Variants in CCDC102B observed in about 807,000 individuals in gnomAD.
CCDC102B encodes the protein coiled-coil domain containing 102B.
In CCDC102B, 75 loss-of-function variants were observed where a neutral mutation model predicts 57.4. That is an observed-to-expected ratio of 1.31 (90% confidence interval 1.08 to 1.58). CCDC102B has a LOEUF of 1.58. CCDC102B is among the 40% of genes most tolerant of loss of function. The probability of loss-of-function intolerance (pLI) is 0.00; values close to 1 mark genes in which losing one functional copy is unlikely to be tolerated. For synonymous variants in CCDC102B, 206 were observed against 201.9 expected, an observed-to-expected ratio of 1.02 and a Z score of -0.17; for missense variants, 636 against 582.6, an observed-to-expected ratio of 1.09 and a Z score of -0.94.
intron 6 of CCDC102B, among the ~76,000 whole-genome samples, chr18:68,936,792 TACAC>T (rs2049252526): frequency 6.6e-6 from 1 of 150,438 alleles, no homozygotes; most frequent in Non-Finnish European, 1.5e-5. Flanking sequence ...TATATATACA[TACAC>T]ATATATACAT....
At chr18:68,723,928 A>G (rs1161374055) in intron 2 of CCDC102B, among the ~76,000 whole-genome samples, 1 of 152,172 alleles carries the variant, frequency 6.6e-6, no homozygotes, top group Non-Finnish European at 1.5e-5. Context: ...CTCCCCTAGT[A>G]GAGGTTCTCC....
chr18:68,994,719 T>A (rs987585692), intron 6 of CCDC102B, among the ~76,000 whole-genome samples: 1 of 152,192 alleles, frequency 6.6e-6, no homozygotes, highest in Non-Finnish European at 1.5e-5. Flanking sequence ...ATTGTGAGTT[T>A]CCAGAGGCCT....
chr18:68,976,835 G>A (rs1161411380), intron 6 of CCDC102B, among the ~76,000 whole-genome samples: 1 of 151,738 alleles, frequency 6.6e-6, no homozygotes, highest in Non-Finnish European at 1.5e-5. Context: ...ATTGGCAGGA[G>A]ACTTTCCACA....
At chr18:68,750,797 C>A (rs1259774418) in intron 2 of CCDC102B, among the ~76,000 whole-genome samples, 1 of 96,592 alleles carries the variant, frequency 1.0e-5, no homozygotes, top group African/African-American at 4.4e-5. Context: ...CAGGGCCTGT[C>A]GTGGGGTGGG....
intron 6 of CCDC102B, among the ~76,000 whole-genome samples, chr18:68,995,594 A>G (rs1344166801): frequency 1.3e-5 from 2 of 152,112 alleles, no homozygotes; most frequent in African/African-American, 4.8e-5. Flanking sequence ...GTAGGTGCAC[A>G]GAAGTCAAGA....
intron 6 of CCDC102B, among the ~76,000 whole-genome samples, chr18:68,917,715 T>C (rs1339436867): frequency 1.3e-5 from 2 of 152,240 alleles, no homozygotes; most frequent in Admixed American, 1.3e-4. Flanking sequence ...CAAATAATTA[T>C]TTCGGATGCT....
intron 7 of CCDC102B, among the ~76,000 whole-genome samples, chr18:69,025,183 AGAG>A (rs1471140415): frequency 6.6e-6 from 1 of 152,188 alleles, no homozygotes; most frequent in Non-Finnish European, 1.5e-5. Context: ...CCAGTAACTT[AGAG>A]GAGATTAATA....
At chr18:68,725,779 A>G (rs566001247) in intron 2 of CCDC102B, among the ~76,000 whole-genome samples, 9 of 152,348 alleles carry the variant, frequency 5.9e-5, no homozygotes, top group African/African-American at 1.9e-4. Flanking sequence ...CCTTCAGAGC[A>G]GTAACTGGAT....
chr18:68,726,995 G>C (rs1052953202), intron 2 of CCDC102B, among the ~76,000 whole-genome samples: 6 of 152,104 alleles, frequency 3.9e-5, no homozygotes. Flanking sequence ...TCTCCCCTCA[G>C]ACTAAATGAG....
Position 68,898,901 on chromosome 18 carries a change from G to A in CCDC102B, c.1263+1473G>A, listed in dbSNP as rs113199913. On this transcript the variant is annotated intron_variant, in intron 6 of 7. Coordinates refer to ENST00000360242, the MANE Select transcript of CCDC102B (RefSeq NM_024781.3). ...TGTATTAATATAAAGTATATCTTTC[G>A]GGAAAAATTGAGACCTGTTTGGAGC... 3.0e-3 allele frequency among the ~76,000 whole-genome samples: 456 copies of A among 152,110 alleles called. 3 individuals are homozygous for A. Among genetic ancestry groups the A allele is most frequent in the Admixed American group, 6.0e-3 (91 of 15,276 alleles).
chr18:68,906,084 C>T (rs1327163326), intron 6 of CCDC102B, among the ~76,000 whole-genome samples: 2 of 152,122 alleles, frequency 1.3e-5, no homozygotes, highest in East Asian at 3.9e-4. Flanking sequence ...TGAGCTACCA[C>T]GCCCGGCCTA....
intron 2 of CCDC102B, among the ~76,000 whole-genome samples, chr18:68,784,354 C>T (rs147074696): frequency 4.6e-5 from 7 of 151,080 alleles, no homozygotes; most frequent in South Asian, 2.1e-4. Flanking sequence ...CCAGATCTCA[C>T]GAGAATTCTT....
At chr18:68,774,616 T>G (rs2034749239) in intron 2 of CCDC102B, among the ~76,000 whole-genome samples, 2 of 152,090 alleles carry the variant, frequency 1.3e-5, no homozygotes, top group South Asian at 4.1e-4. Flanking sequence ...GTCAAATTAT[T>G]GTGATTTAAA....
rs116428780 is a variant in CCDC102B, at chr18:68,986,624, A to G, written c.1264-24310A>G. The stretch of plus-strand genomic sequence containing the variant: ...TCCAAATAGGAAAAGAAGAAATCCA[A>G]TTATCTTCACTGATGATATGATTCT... On this transcript the variant is annotated intron_variant, in intron 6 of 7. Coordinates refer to ENST00000360242, the MANE Select transcript of CCDC102B (RefSeq NM_024781.3). 3.0e-3 allele frequency among the ~76,000 whole-genome samples: 453 copies of G among 152,190 alleles called. 1 individual carries two copies. The highest frequency in any genetic ancestry group is 0.01 in the African/African-American group (421 of 41,544).
chr18:68,970,977 T>A (rs1214512848), intron 6 of CCDC102B, among the ~76,000 whole-genome samples: 1 of 152,036 alleles, frequency 6.6e-6, no homozygotes, highest in African/African-American at 2.4e-5. Flanking sequence ...TGCATATACA[T>A]GTATACAAAC....
rs189219790 is a variant in CCDC102B, at chr18:69,043,274, A to G, written c.1435-10756A>G. Among the ~76,000 whole-genome samples, 82 of 152,230 alleles carry G rather than the reference A, an allele frequency of 5.4e-4. 1 individual carries two copies. The East Asian group carries it at 0.01, about 19-fold the overall frequency. On this transcript the variant is annotated intron_variant, in intron 7 of 7. Transcript: ENST00000360242. ...TTCCCTATCTCAGTAGATGGAACGT[A>G]CAATTGGGTTTTATACGGAGACATT... is the stretch of plus-strand genomic sequence containing the variant.
intron 4 of CCDC102B, among the ~76,000 whole-genome samples, chr18:68,861,349 A>G (rs917668251): frequency 6.6e-6 from 1 of 151,706 alleles, no homozygotes; most frequent in Non-Finnish European, 1.5e-5. Flanking sequence ...TTTGCATGAC[A>G]TATAAGTTTT....
At chr18:68,906,833 ATTT>A (rs58285229) in intron 6 of CCDC102B, among the ~76,000 whole-genome samples, 25,753 of 133,506 alleles carry the variant, frequency 0.19, 2,389 homozygotes, top group Non-Finnish European at 0.25. Context: ...GACGAATTCT[ATTT>A]TTTTTTTTTT....
chr18:68,916,270 C>G (rs934923234), intron 6 of CCDC102B, among the ~76,000 whole-genome samples: 108 of 152,080 alleles, frequency 7.1e-4, no homozygotes, highest in Non-Finnish European at 6.0e-4. Context: ...TGACCTAACA[C>G]CCAGTAGACT....
Sources: allele counts gnomAD v4.1 joint callset (sites outside exome capture counted in the v4.1 genomes callset), GRCh38; gene constraint gnomAD v4.1.1; transcripts MANE v1.5; gene names NCBI Gene and HGNC (gene_info 2026-07-23, HGNC 2026-07-21).